The following GLI3 variants were observed in gnomAD, a reference collection of about 807,000 sequenced individuals.
GLI3 encodes the protein transcription activator GLI3.
A neutral mutation model predicts 100.8 loss-of-function variants in GLI3; 20 were observed. That is an observed-to-expected ratio of 0.20 (90% CI 0.14 to 0.29). GLI3 has a LOEUF of 0.29. GLI3 is among the 10% of genes least tolerant of loss of function. GLI3 has a pLI of 1.00. For missense variants in GLI3, 2,040 were observed against 2,128.5 expected (o/e 0.96, Z 0.82); for synonymous variants, 938 against 860.5 (o/e 1.09, Z -1.58).
At chr7:42,137,578 C>T (rs184984929) in intron 3 of GLI3, among the ~76,000 whole-genome samples, 1 of 152,280 alleles carries the variant, frequency 6.6e-6, no homozygotes, top group Admixed American at 6.5e-5. Flanking sequence ...CCCTGCCCCA[C>T]CCACCTGACC....
intron 2 of GLI3, among the ~76,000 whole-genome samples, chr7:42,183,171 C>A (rs1004081386): frequency 4.6e-5 from 7 of 152,188 alleles, no homozygotes; most frequent in Admixed American, 4.6e-4. Context: ...TTGCAGTGAG[C>A]CGAGATTGCG....
intron 10 of GLI3, among the ~76,000 whole-genome samples, chr7:42,012,407 G>A (rs1788641212): frequency 6.6e-6 from 1 of 151,836 alleles, no homozygotes. Flanking sequence ...TCTCTCTCCT[G>A]TAACATTTCA....
intron 2 of GLI3, among the ~76,000 whole-genome samples, chr7:42,178,591 C>T (rs997539546): frequency 2.6e-5 from 4 of 152,224 alleles, no homozygotes; most frequent in African/African-American, 9.6e-5. Flanking sequence ...GGCCCCTTCA[C>T]TCATTCAGCA....
intron 1 of GLI3, among the ~76,000 whole-genome samples, chr7:42,246,680 C>T (rs1788977637): frequency 6.6e-6 from 1 of 152,088 alleles, no homozygotes. Context: ...AAGGGAATCT[C>T]CAAGGTTATG....
intron 3 of GLI3, among the ~76,000 whole-genome samples, chr7:42,114,466 C>T (rs892832428): frequency 6.6e-5 from 10 of 151,824 alleles, no homozygotes; most frequent in African/African-American, 2.2e-4. Flanking sequence ...TACAGAAGTG[C>T]TTTCTCAATA....
At chr7:42,164,735 C>A (rs1787204029) in intron 2 of GLI3, among the ~76,000 whole-genome samples, 1 of 151,272 alleles carries the variant, frequency 6.6e-6, no homozygotes, top group African/African-American at 2.4e-5. Flanking sequence ...GAGGCTGAGG[C>A]AGGAGAATGG....
At chr7:41,974,994 A>G (rs1349923297) in intron 12 of GLI3, among the ~76,000 whole-genome samples, 1 of 152,172 alleles carries the variant, frequency 6.6e-6, no homozygotes, top group Non-Finnish European at 1.5e-5. Flanking sequence ...CACTTACACA[A>G]CCTTAGGGAG....
intron 7 of GLI3, among the ~76,000 whole-genome samples, chr7:42,032,566 A>G (rs1359422435): frequency 6.6e-6 from 1 of 152,206 alleles, no homozygotes; most frequent in Non-Finnish European, 1.5e-5. Context: ...CCCAATTAAA[A>G]CAGTATATGA....
chr7:42,100,354 T>C (rs553106378), intron 3 of GLI3, among the ~76,000 whole-genome samples: 1 of 152,322 alleles, frequency 6.6e-6, no homozygotes, highest in South Asian at 2.1e-4. Context: ...AATGTGACCA[T>C]ATTTGGAAAT....
intron 10 of GLI3, among the ~76,000 whole-genome samples, chr7:42,019,070 C>T (rs932891329): frequency 6.6e-6 from 1 of 152,084 alleles, no homozygotes; most frequent in Non-Finnish European, 1.5e-5. Flanking sequence ...CACAGAAATA[C>T]GGGGTTGGAT....
At chr7:42,169,915 C>A (rs534014139) in intron 2 of GLI3, among the ~76,000 whole-genome samples, 1 of 151,592 alleles carries the variant, frequency 6.6e-6, no homozygotes, top group South Asian at 2.1e-4. Flanking sequence ...AAGTAATATT[C>A]AATTACTTCT....
At chr7:42,115,263 T>C (rs10251612) in intron 3 of GLI3, among the ~76,000 whole-genome samples, 32,639 of 150,754 alleles carry the variant, frequency 0.22, 5,383 homozygotes, top group African/African-American at 0.47. Context: ...CTCAGCCTCC[T>C]GAGTAGCTGG....
At chr7:42,227,229 A>G (rs1437022080) in intron 1 of GLI3, among the ~76,000 whole-genome samples, 1 of 151,920 alleles carries the variant, frequency 6.6e-6, no homozygotes, top group Admixed American at 6.6e-5. Context: ...CCACTGAAAC[A>G]TTACATGCAA....
At chr7:42,013,584 G>A (rs745839222) in intron 10 of GLI3, among the ~76,000 whole-genome samples, 59 of 152,130 alleles carry the variant, frequency 3.9e-4, no homozygotes, top group Non-Finnish European at 1.5e-4. Context: ...TGTTGCCCAG[G>A]ATGGTCTTGA....
chr7:42,086,199 A>G (rs1344114818), intron 3 of GLI3, among the ~76,000 whole-genome samples: 1 of 152,104 alleles, frequency 6.6e-6, no homozygotes, highest in Non-Finnish European at 1.5e-5. Flanking sequence ...GATTCACCTC[A>G]TTTATTTCTT....
chr7:42,237,092 G>C lies in GLI3; in HGVS notation c.-164C>G, dbSNP rs1327492956. 1 of 147,160 alleles carries C rather than the reference G, an allele frequency of 6.8e-6. No homozygotes were observed. The highest frequency in any genetic ancestry group is 1.5e-5 in the Non-Finnish European group (1 of 66,114). 9.1% of individuals were successfully genotyped at this position (147,160 alleles called of 1,614,324 possible). A position where few individuals can be genotyped will look rare whatever the true frequency, so the allele number is the denominator to read the frequency against. ...TACGGCTACCGCGAGCGGCCGGGCT[G>C]GGCGCGGGGTGCGCCCGCCGCGGGC... On this transcript the variant is annotated 5_prime_UTR_variant, in exon 1 of 15. Transcript: ENST00000395925.
At chr7:42,236,173 G>C (rs1367832391) in intron 1 of GLI3, among the ~76,000 whole-genome samples, 1 of 152,112 alleles carries the variant, frequency 6.6e-6, no homozygotes, top group African/African-American at 2.4e-5. Flanking sequence ...CACAAACTCT[G>C]CAAGTTTGGG....
chr7:42,060,437 T>G (rs537320419), intron 4 of GLI3, among the ~76,000 whole-genome samples: 1 of 152,150 alleles, frequency 6.6e-6, no homozygotes, highest in Admixed American at 6.5e-5. Flanking sequence ...GATGATGGAT[T>G]TTTTTTCTTC....
intron 7 of GLI3, among the ~76,000 whole-genome samples, chr7:42,033,558 A>T (rs568815349): frequency 6.6e-6 from 1 of 152,340 alleles, no homozygotes; most frequent in African/African-American, 2.4e-5. Context: ...ACATGGTACC[A>T]GAATGTGAGA....
Sources: allele counts gnomAD v4.1 joint callset (sites outside exome capture counted in the v4.1 genomes callset), GRCh38; gene constraint gnomAD v4.1.1; transcripts MANE v1.5; gene names NCBI Gene and HGNC (gene_info 2026-07-23, HGNC 2026-07-21).